ABCA10: variants seen among roughly 807,000 people sequenced by gnomAD.
ABCA10 encodes ATP-binding cassette sub-family A member 10.
Under a neutral mutation model 187.5 loss-of-function variants are expected in ABCA10, and 169 were observed. The ratio of observed to expected loss-of-function variants is 0.90; its 90% CI spans 0.80 to 1.02. The LOEUF (loss-of-function observed/expected upper bound fraction) is 1.02, where lower values mean the gene tolerates loss of function less well. Ranked by LOEUF, ABCA10 falls within the 50% of genes least tolerant of loss-of-function variation. ABCA10 has a pLI of 0.00. For missense variants in ABCA10, 1,727 were observed against 1,812.4 expected (o/e 0.95, Z 0.86); for synonymous variants, 574 against 601.8 (o/e 0.95, Z 0.68).
rs1312915970 is a variant in ABCA10, at chr17:69,187,813, T to A, written c.2198A>T (p.Glu733Val). 3.1e-6 allele frequency: 5 copies of A among 1,613,910 alleles called. No individual in the cohort carries two copies. The highest frequency in any genetic ancestry group is 4.2e-6 in the Non-Finnish European group (5 of 1,179,810). Residue 733 changes from glutamate to valine, a missense_variant, in exon 19 of 39, where the codon GAA becomes GTA. Coordinates refer to ENST00000690296, the MANE Select transcript of ABCA10 (RefSeq NM_001377321.1). ...TTCAGGAAGAGAACAAAGAACCTGT[T>A]CCATTTCAGACTCATCTCCAGTATT... ...TRNTGDESEMEQVLCSLPETR... is the reference protein window; with the variant it reads ...TRNTGDESEMVQVLCSLPETR...
At chr17:69,206,055 T>C (rs1325793488) in intron 9 of ABCA10, among the ~76,000 whole-genome samples, 1 of 152,178 alleles carries the variant, frequency 6.6e-6, no homozygotes, top group African/African-American at 2.4e-5. Flanking sequence ...CTAACTGTTA[T>C]AATTGAGCTT....
rs940214639 is a variant in ABCA10 at position 69,191,269 on chromosome 17, T to A, written c.1918A>T (p.Ile640Phe). The A allele has an allele frequency of 6.2e-7, 1 of 1,605,750 alleles. No individual in the cohort carries two copies. Among genetic ancestry groups the A allele is most frequent in the Non-Finnish European group, 8.5e-7 (1 of 1,175,238 alleles). Residue 640 changes from isoleucine (I) to phenylalanine (F), a missense_variant, in exon 17 of 39, where the codon ATT becomes TTT. Ile to Phe is a conservative substitution (Grantham distance 21). Transcript: ENST00000690296. ...MCDTEKITSL[I>F]KQHIPDAKLT... ...TTGGCATCAGGAATGTGCTGCTTAA[T>A]AAGGGATGTGATTTTTTCTGTGTCA...
At chr17:69,186,892 C>G (rs2074425833) in intron 19 of ABCA10, among the ~76,000 whole-genome samples, 1 of 152,102 alleles carries the variant, frequency 6.6e-6, no homozygotes, top group Non-Finnish European at 1.5e-5. Context: ...GGGATCTGTG[C>G]CTTTTGTGTT....
At position 69,222,008 on chromosome 17, in the gene ABCA10, A is replaced by G. The variant is rs916819334; in HGVS notation, c.200-113T>C. 1.1e-5 allele frequency: 8 copies of G among 749,386 alleles called. No homozygotes were observed. The African/African-American group carries it at 1.1e-4, about 10-fold the overall frequency. 46.4% of individuals were successfully genotyped at this position (749,386 alleles called of 1,614,324 possible). Reference sequence around the variant, plus strand: ...ATATCTAAATGTTAGCTCAAAGCCTATGATTATATGATATAGAGGATTTTT... The same window carrying G: ...ATATCTAAATGTTAGCTCAAAGCCTGTGATTATATGATATAGAGGATTTTT... On this transcript the variant is annotated intron_variant, in intron 4 of 38. Transcript: ENST00000690296.
intron 9 of ABCA10, among the ~76,000 whole-genome samples, chr17:69,210,833 A>G (rs1226657865): frequency 6.3e-5 from 1 of 15,856 alleles, no homozygotes; most frequent in Admixed American, 7.1e-4. Context: ...TATATATGCC[A>G]CATATTTATG....
At chr17:69,239,661 T>C (rs1403342800) in intron 1 of ABCA10, among the ~76,000 whole-genome samples, 1 of 152,118 alleles carries the variant, frequency 6.6e-6, no homozygotes, top group East Asian at 1.9e-4. Flanking sequence ...TGTGTCCCCA[T>C]GGTTTCTTAG....
chr17:69,212,982 T>C (rs2074671950), intron 9 of ABCA10, among the ~76,000 whole-genome samples: 2 of 152,236 alleles, frequency 1.3e-5, no homozygotes, highest in South Asian at 2.1e-4. Context: ...TACTATGCTA[T>C]TCATCATGCT....
intron 26 of ABCA10, 38 bp from the exon 27 acceptor site, chr17:69,164,192 T>C (rs769089403): frequency 6.6e-7 from 1 of 1,513,998 alleles, no homozygotes; most frequent in South Asian, 1.3e-5. Context: ...TGCAAGTTTC[T>C]CTATAAATAT....
rs189202080 is a variant in ABCA10, at chr17:69,239,987, T to C, written c.-593+4542A>G. Among the ~76,000 whole-genome samples, 14 of 152,340 alleles carry C rather than the reference T, an allele frequency of 9.2e-5. No individual in the cohort carries two copies. The East Asian group carries it at 2.5e-3, about 27-fold the overall frequency. ...TTTATACATGACATTGGGTGGGCAA[T>C]TGCTTTTTCCATGCAGGAAGCATCT... On this transcript the variant is annotated intron_variant, in intron 1 of 39. Coordinates refer to the ABCA10 transcript ENST00000269081.
chr17:69,155,526 G>A (rs1165432692), intron 29 of ABCA10, among the ~76,000 whole-genome samples: 1 of 152,130 alleles, frequency 6.6e-6, no homozygotes, highest in African/African-American at 2.4e-5. Flanking sequence ...CTTGAAAAAT[G>A]TGCGATTTTG....
chr17:69,186,300 A>G (rs1023262713), intron 19 of ABCA10, among the ~76,000 whole-genome samples: 3 of 152,166 alleles, frequency 2.0e-5, no homozygotes, highest in Non-Finnish European at 4.4e-5. Flanking sequence ...AATGGAGTCT[A>G]TAGGACAGAA....
Position 69,187,849 on chromosome 17 carries a change from T to C in ABCA10, c.2162A>G (p.His721Arg). ...CTCATCTCCAGTATTTCTTGTCACA[T>C]GTATTTTCTCTTGTTTCCCAATGTC... Reference protein sequence around the residue: ...DFDIGKQEKIHVTRNTGDESE... With the variant: ...DFDIGKQEKIRVTRNTGDESE... The change falls in exon 19 of 39, where the codon CAT (histidine) becomes CGT (arginine). Residue 721 changes from histidine to arginine, a missense_variant. Physicochemically the swap from His to Arg is conservative, Grantham distance 29. Coordinates refer to ENST00000690296, the MANE Select transcript of ABCA10 (RefSeq NM_001377321.1). 1 of 1,613,836 alleles carries C rather than the reference T, an allele frequency of 6.2e-7. No homozygotes were observed. Among genetic ancestry groups the C allele is most frequent in the Non-Finnish European group, 8.5e-7 (1 of 1,179,750 alleles).
intron 1 of ABCA10, among the ~76,000 whole-genome samples, chr17:69,237,569 T>C (rs1231126851): frequency 6.6e-6 from 1 of 152,162 alleles, no homozygotes; most frequent in Non-Finnish European, 1.5e-5. Context: ...ACTTCTTCCA[T>C]TCCTTTCCCA....
At chr17:69,237,364 A>G (rs145345526) in intron 1 of ABCA10, among the ~76,000 whole-genome samples, 522 of 152,346 alleles carry the variant, frequency 3.4e-3, no homozygotes, top group Non-Finnish European at 5.7e-3. Context: ...AGCTCTTCTT[A>G]ATCAGCTCTG....
intron 37 of ABCA10, 89 bp downstream of exon 37, chr17:69,149,895 A>C: frequency 2.0e-6 from 2 of 1,006,132 alleles, no homozygotes; most frequent in South Asian, 1.7e-5. Context: ...TGATTATTTC[A>C]TTGTTCTACT....
At chr17:69,158,214 T>C (rs2144758965) in intron 27 of ABCA10, among the ~76,000 whole-genome samples, 1 of 152,090 alleles carries the variant, frequency 6.6e-6, no homozygotes, top group South Asian at 2.1e-4. Flanking sequence ...GCAACAGTGT[T>C]AGTGTTAGTG....
chr17:69,210,565 T>C (rs1367160271), intron 9 of ABCA10, among the ~76,000 whole-genome samples: 1 of 150,252 alleles, frequency 6.7e-6, no homozygotes, highest in African/African-American at 2.5e-5. Context: ...TAGTCTTTTA[T>C]CCTTCAACCC....
intron 3 of ABCA10, among the ~76,000 whole-genome samples, chr17:69,224,718 A>C (rs6501292): frequency 1.3e-5 from 2 of 150,518 alleles, no homozygotes; most frequent in Admixed American, 1.3e-4. Context: ...CACTACTCTA[A>C]GATCAAGGGC....
intron 22 of ABCA10, among the ~76,000 whole-genome samples, chr17:69,178,395 C>T (rs1241370588): frequency 6.6e-6 from 1 of 152,062 alleles, no homozygotes; most frequent in Non-Finnish European, 1.5e-5. Context: ...TAAGTGTGGT[C>T]CCAGACCAGC....
Sources: allele counts gnomAD v4.1 joint callset (sites outside exome capture counted in the v4.1 genomes callset), GRCh38; gene constraint gnomAD v4.1.1; transcripts MANE v1.5; gene names NCBI Gene and HGNC (gene_info 2026-07-23, HGNC 2026-07-21).